PLEKHM3: variants seen among roughly 807,000 people sequenced by gnomAD.
PLEKHM3 encodes pleckstrin homology domain-containing family M member 3.
Under a neutral mutation model 81.8 loss-of-function variants are expected in PLEKHM3, and 45 were observed. The observed-to-expected ratio is 0.55, with a 90% confidence interval of 0.43 to 0.71. PLEKHM3 has a LOEUF of 0.71. PLEKHM3 is among the 30% of genes least tolerant of loss of function. PLEKHM3 has a pLI of 0.00. For synonymous variants in PLEKHM3, 352 were observed against 356.4 expected (o/e 0.99, Z 0.14); for missense variants, 788 against 924.3 (o/e 0.85, Z 1.91).
intron 3 of PLEKHM3, among the ~76,000 whole-genome samples, chr2:207,950,372 A>G (rs1574435756): frequency 6.6e-6 from 1 of 152,146 alleles, no homozygotes; most frequent in African/African-American, 2.4e-5. Flanking sequence ...CTGACCATCA[A>G]ATTATCTAGG....
intron 1 of PLEKHM3, among the ~76,000 whole-genome samples, chr2:208,020,958 C>T (rs1354089616): frequency 6.6e-6 from 1 of 152,202 alleles, no homozygotes; most frequent in African/African-American, 2.4e-5. Context: ...AAAAACTGCC[C>T]AGTCTAACCT....
intron 1 of PLEKHM3, among the ~76,000 whole-genome samples, chr2:208,014,064 A>G (rs1285740055): frequency 6.6e-6 from 1 of 152,200 alleles, no homozygotes; most frequent in Non-Finnish European, 1.5e-5. Flanking sequence ...AAGGGCAGAC[A>G]TACTCAGCAG....
In PLEKHM3 at chr2:207,824,094, A is replaced by G. The variant is rs2092235040; in HGVS notation, c.*4225T>C. On this transcript the variant is annotated 3_prime_UTR_variant, in exon 8 of 8. Coordinates refer to ENST00000427836, the MANE Select transcript of PLEKHM3 (RefSeq NM_001080475.3). ...GACTCAGGGTCGGAAGAGTGATACA[A>G]GGTGTGCAACATATGAAGCTCCTAA... The G allele has an allele frequency of 6.6e-6, 1 of 152,220 alleles. No individual in the cohort carries two copies. The highest frequency in any genetic ancestry group is 2.4e-5 in the African/African-American group (1 of 41,460). 9.4% of individuals were successfully genotyped at this position (152,220 alleles called of 1,614,324 possible).
intron 6 of PLEKHM3, among the ~76,000 whole-genome samples, chr2:207,880,285 T>A (rs1269617628): frequency 1.3e-5 from 2 of 151,928 alleles, no homozygotes; most frequent in Non-Finnish European, 2.9e-5. Flanking sequence ...CATGTGCCTA[T>A]AATCCCAGCT....
chr2:207,969,770 G>A (rs1361918845), intron 3 of PLEKHM3, among the ~76,000 whole-genome samples: 1 of 152,152 alleles, frequency 6.6e-6, no homozygotes, highest in Non-Finnish European at 1.5e-5. Flanking sequence ...TTATCCTCGG[G>A]TAATTAATCT....
At chr2:207,980,614 A>G (rs910673868) in intron 2 of PLEKHM3, among the ~76,000 whole-genome samples, 7 of 152,058 alleles carry the variant, frequency 4.6e-5, no homozygotes, top group African/African-American at 1.7e-4. Flanking sequence ...TGTCACCCAG[A>G]CTGGAGTGCA....
intron 7 of PLEKHM3, among the ~76,000 whole-genome samples, chr2:207,833,746 T>C (rs528243921): frequency 3.3e-5 from 5 of 152,296 alleles, no homozygotes; most frequent in African/African-American, 1.2e-4. Flanking sequence ...AAACCATCCC[T>C]GTTGAGAACC....
rs745779735 is a variant in PLEKHM3 at position 207,911,331 on chromosome 2, A to G, written c.1887-2754T>C. Among the ~76,000 whole-genome samples, 22 of 152,240 alleles carry G rather than the reference A, an allele frequency of 1.4e-4. 1 individual carries two copies. Among genetic ancestry groups the G allele is most frequent in the Non-Finnish European group, 3.1e-4 (21 of 68,040 alleles). Reference sequence around the variant, plus strand: ...TTTTGAAAATAACCAGAATGTTCACATGTACTTCCACAGTTCCTAACATTT... The same window carrying G: ...TTTTGAAAATAACCAGAATGTTCACGTGTACTTCCACAGTTCCTAACATTT... On this transcript the variant is annotated intron_variant, in intron 5 of 7. Coordinates refer to ENST00000427836, the MANE Select transcript of PLEKHM3 (RefSeq NM_001080475.3).
At chr2:207,890,922 C>A (rs980829651) in intron 6 of PLEKHM3, among the ~76,000 whole-genome samples, 4 of 152,142 alleles carry the variant, frequency 2.6e-5, no homozygotes, top group African/African-American at 9.7e-5. Flanking sequence ...TTTGAAAAAG[C>A]ACTTTTATTA....
chr2:207,889,610 A>T (rs1181030612), intron 6 of PLEKHM3, among the ~76,000 whole-genome samples: 1 of 152,064 alleles, frequency 6.6e-6, no homozygotes, highest in African/African-American at 2.4e-5. Flanking sequence ...TGTGGTGAAA[A>T]TTCAAGCGTA....
intron 7 of PLEKHM3, among the ~76,000 whole-genome samples, chr2:207,850,447 T>C (rs1200200972): frequency 2.6e-5 from 4 of 152,226 alleles, no homozygotes; most frequent in Non-Finnish European, 5.9e-5. Context: ...CATGAAAAAC[T>C]CACGAAAGCC....
At chr2:207,919,828 C>A (rs957347853) in intron 5 of PLEKHM3, among the ~76,000 whole-genome samples, 3 of 152,072 alleles carry the variant, frequency 2.0e-5, no homozygotes, top group Non-Finnish European at 4.4e-5. Context: ...TCTGGCATAA[C>A]AAGGGAAGGA....
intron 6 of PLEKHM3, among the ~76,000 whole-genome samples, chr2:207,908,252 T>G (rs766968170): frequency 6.6e-6 from 1 of 152,222 alleles, no homozygotes; most frequent in Non-Finnish European, 1.5e-5. Context: ...GTTTAACTTT[T>G]TAACTGTTCC....
intron 5 of PLEKHM3, among the ~76,000 whole-genome samples, chr2:207,911,985 C>T (rs191071736): frequency 6.8e-4 from 104 of 152,278 alleles, no homozygotes; most frequent in African/African-American, 2.3e-3. Flanking sequence ...AATTTACAAA[C>T]CAAATCACAC....
chr2:207,855,243 C>T (rs997298131), intron 7 of PLEKHM3, among the ~76,000 whole-genome samples: 15 of 152,042 alleles, frequency 9.9e-5, no homozygotes, highest in African/African-American at 3.4e-4. Flanking sequence ...AACAACTCCC[C>T]CCAGCAAAAA....
chr2:207,833,560 C>T (rs1180884087), intron 7 of PLEKHM3, among the ~76,000 whole-genome samples: 1 of 152,078 alleles, frequency 6.6e-6, no homozygotes, highest in Non-Finnish European at 1.5e-5. Flanking sequence ...TCAACCTTGG[C>T]CCTACTGACA....
chr2:207,918,279 T>C (rs1689061054), intron 5 of PLEKHM3, among the ~76,000 whole-genome samples: 1 of 152,142 alleles, frequency 6.6e-6, no homozygotes. Context: ...TCCCAGCACT[T>C]TGGGAGGCTG....
At chr2:207,841,465 AAAAAAAAAAAAAAAAATATATATAT>A (rs1290768531) in intron 7 of PLEKHM3, among the ~76,000 whole-genome samples, 1 of 70,506 alleles carries the variant, frequency 1.4e-5, no homozygotes, top group African/African-American at 7.2e-5. Context: ...AAAAAAAAAA[AAAAAAAAAAAAAAAAATATATATAT>A]ATATATATAT....
At chr2:207,870,704 C>T (rs2092529092) in intron 6 of PLEKHM3, among the ~76,000 whole-genome samples, 1 of 152,344 alleles carries the variant, frequency 6.6e-6, no homozygotes, top group African/African-American at 2.4e-5. Context: ...TAGGAAAAAA[C>T]AGCCTGTGGA....
Sources: gnomAD v4.1 joint callset for allele counts (sites outside exome capture counted in the v4.1 genomes callset) on GRCh38, gnomAD v4.1.1 for gene constraint, MANE v1.5 for transcripts, NCBI Gene and HGNC (gene_info 2026-07-23, HGNC 2026-07-21) for gene names.